The following SCFD2 variants were observed in gnomAD, a reference collection of about 807,000 sequenced individuals.
SCFD2 encodes sec1 family domain-containing protein 2.
A neutral mutation model predicts 58.9 loss-of-function variants in SCFD2; 54 were observed. The ratio of observed to expected loss-of-function variants is 0.92; its 90% CI spans 0.74 to 1.15. SCFD2 has a LOEUF of 1.15. Among genes scored for constraint, SCFD2 ranks in the 50% most tolerant of loss-of-function variants. The pLI, the probability that SCFD2 is intolerant of heterozygous loss-of-function variation, is 0.00. For synonymous variants in SCFD2, 321 were observed against 335.9 expected (o/e 0.96, Z 0.49); for missense variants, 805 against 836.6 (o/e 0.96, Z 0.47).
chr4:53,282,445 T>A (rs1731535326), intron 3 of SCFD2, among the ~76,000 whole-genome samples: 1 of 152,178 alleles, frequency 6.6e-6, no homozygotes, highest in African/African-American at 2.4e-5. Context: ...TTCATAATGA[T>A]ATCTTTAATA....
chr4:53,279,021 A>G (rs561706075), intron 3 of SCFD2, among the ~76,000 whole-genome samples: 1 of 152,220 alleles, frequency 6.6e-6, no homozygotes, highest in African/African-American at 2.4e-5. Flanking sequence ...AAAATTTCTT[A>G]GTTTATATAA....
chr4:52,897,707 C>G (rs7654682), intron 7 of SCFD2, among the ~76,000 whole-genome samples: 1 of 151,930 alleles, frequency 6.6e-6, no homozygotes, highest in African/African-American at 2.4e-5. Flanking sequence ...TTTCTATTGA[C>G]TGGAATAGTT....
At chr4:52,930,647 C>T (rs301123) in intron 5 of SCFD2, among the ~76,000 whole-genome samples, 20,071 of 152,020 alleles carry the variant, frequency 0.13, 1,788 homozygotes, top group East Asian at 0.25. Context: ...TTCTGACTGC[C>T]GTAACTGTAA....
rs186104964 is a variant in SCFD2 at position 53,089,089 on chromosome 4, A to C, written c.1561+56244T>G. Among the ~76,000 whole-genome samples the C allele has an allele frequency of 3.2e-3, 491 of 152,300 alleles. 3 individuals carry two copies. The highest frequency in any genetic ancestry group is 0.011 in the African/African-American group (460 of 41,566). On this transcript the variant is annotated intron_variant, in intron 5 of 8. Coordinates refer to ENST00000401642, the MANE Select transcript of SCFD2 (RefSeq NM_152540.4). ...CTCACCAGACACCAAATCTGCTGGC[A>C]CTTTGATATAGGAATTCCCAGTCTC...
chr4:53,225,590 T>C (rs1729186794), intron 4 of SCFD2, among the ~76,000 whole-genome samples: 1 of 152,228 alleles, frequency 6.6e-6, no homozygotes, highest in Non-Finnish European at 1.5e-5. Context: ...GAGCTAATAA[T>C]AATGGCTAAA....
At chr4:53,164,677 G>T (rs73143467) in intron 4 of SCFD2, among the ~76,000 whole-genome samples, 1 of 151,530 alleles carries the variant, frequency 6.6e-6, no homozygotes. Context: ...CTGTAGTTCC[G>T]GCCACTCAGG....
chr4:53,122,231 G>T (rs572943367), intron 5 of SCFD2, among the ~76,000 whole-genome samples: 49 of 152,290 alleles, frequency 3.2e-4, no homozygotes, highest in African/African-American at 1.2e-3. Context: ...ACAAAAATTA[G>T]CTGGGCATGG....
At chr4:53,302,069 C>G (rs961264793) in intron 3 of SCFD2, among the ~76,000 whole-genome samples, 3 of 152,126 alleles carry the variant, frequency 2.0e-5, no homozygotes, top group African/African-American at 7.2e-5. Context: ...TCTCACCACT[C>G]CTATTCAACA....
At chr4:53,216,055 T>C (rs1044575078) in intron 4 of SCFD2, among the ~76,000 whole-genome samples, 2 of 152,212 alleles carry the variant, frequency 1.3e-5, no homozygotes, top group African/African-American at 4.8e-5. Flanking sequence ...CATCAGTATG[T>C]TATTGAGGAT....
At chr4:53,190,274 G>T (rs1247030333) in intron 4 of SCFD2, among the ~76,000 whole-genome samples, 1 of 152,144 alleles carries the variant, frequency 6.6e-6, no homozygotes, top group African/African-American at 2.4e-5. Flanking sequence ...ATGTTGGCGT[G>T]TGTGTTTTGT....
rs576694667 is a variant in SCFD2 at position 53,342,588 on chromosome 4, C to T, written c.1007+10010G>A. Reference sequence around the variant, plus strand: ...AACAAGGATATCCAGGAATTGAACTCAGCTCTGCACCAAGCAGACCTAATA... The same window carrying T: ...AACAAGGATATCCAGGAATTGAACTTAGCTCTGCACCAAGCAGACCTAATA... On this transcript the variant is annotated intron_variant, in intron 2 of 8. Coordinates refer to ENST00000401642, the MANE Select transcript of SCFD2 (RefSeq NM_152540.4). Among the ~76,000 whole-genome samples, 7 of 152,290 alleles carry T rather than the reference C, an allele frequency of 4.6e-5. No individual in the cohort carries two copies. The South Asian group carries it at 1.5e-3, about 32-fold the overall frequency.
chr4:53,363,580 T>C (rs138872958), intron 1 of SCFD2, among the ~76,000 whole-genome samples: 1 of 151,744 alleles, frequency 6.6e-6, no homozygotes, highest in Non-Finnish European at 1.5e-5. Flanking sequence ...ACGCCTGTAA[T>C]CCCAGCACTT....
chr4:53,247,138 A>G (rs1730109682), intron 4 of SCFD2, among the ~76,000 whole-genome samples: 1 of 152,238 alleles, frequency 6.6e-6, no homozygotes, highest in East Asian at 1.9e-4. Context: ...CATGTGGCCA[A>G]AAAGCATATA....
intron 7 of SCFD2, among the ~76,000 whole-genome samples, chr4:52,895,031 C>G (rs866557225): frequency 6.6e-6 from 1 of 152,174 alleles, no homozygotes; most frequent in Non-Finnish European, 1.5e-5. Context: ...ACTTTTCCAT[C>G]CTCTAGATTG....
rs1306079769 is a variant in SCFD2, at chr4:52,892,185, C to A, written c.1843-6319G>T. On this transcript the variant is annotated intron_variant, in intron 7 of 8. Transcript: ENST00000401642. ...ACACTGTCCATTCAGTCACTCCAAA[C>A]TAAGCAAATGGCCCTAGACAGCCTC... 2.6e-5 allele frequency among the ~76,000 whole-genome samples: 4 copies of A among 152,346 alleles called. No individual in the cohort carries two copies. In the East Asian group the frequency reaches 5.8e-4, roughly 22 times the overall value.
In SCFD2 at chr4:52,920,791, A is replaced by T; in HGVS notation, c.1641T>A (p.Ile547=). ...VDELFTSLRD[I]AGARSLLKQF... ...GTTTCAGGAGACTCCGAGCTCCAGCAATATCCCGAAGTGAAGTAAAGAGTT... is the reference window on the plus strand; with the variant it reads ...GTTTCAGGAGACTCCGAGCTCCAGCTATATCCCGAAGTGAAGTAAAGAGTT... Residue 547 remains isoleucine (I), a synonymous_variant, in exon 6 of 9, where the codon ATT becomes ATA. Transcript: ENST00000401642. The T allele has an allele frequency of 3.1e-6, 5 of 1,611,524 alleles. No individual in the cohort carries two copies. The highest frequency in any genetic ancestry group is 3.4e-6 in the Non-Finnish European group (4 of 1,178,054).
intron 5 of SCFD2, among the ~76,000 whole-genome samples, chr4:52,934,722 G>A (rs185090922): frequency 5.9e-5 from 9 of 152,268 alleles, no homozygotes; most frequent in Admixed American, 2.6e-4. Context: ...AAAAAGGTTG[G>A]AGAAATGCAC....
At position 52,931,147 on chromosome 4, in the gene SCFD2, T is replaced by A. The variant is rs550573654; in HGVS notation, c.1562-10277A>T. Among the ~76,000 whole-genome samples the A allele has an allele frequency of 1.7e-4, 26 of 152,274 alleles. No individual in the cohort carries two copies. In the South Asian group the frequency reaches 5.2e-3, roughly 30 times the overall value. ...CTCACTAGAAGTGCTTCCTAAAAGG[T>A]GGATTGTTTTTATTCCATTGAATTA... On this transcript the variant is annotated intron_variant, in intron 5 of 8. Transcript: ENST00000401642.
chr4:53,250,394 A>C (rs1390848283), intron 4 of SCFD2, among the ~76,000 whole-genome samples: 1 of 152,210 alleles, frequency 6.6e-6, no homozygotes, highest in Non-Finnish European at 1.5e-5. Flanking sequence ...CAGATCAACA[A>C]GACAGAAAGT....
Sources: gnomAD v4.1 joint callset for allele counts (sites outside exome capture counted in the v4.1 genomes callset) on GRCh38, gnomAD v4.1.1 for gene constraint, MANE v1.5 for transcripts, NCBI Gene and HGNC (gene_info 2026-07-23, HGNC 2026-07-21) for gene names.